Variants in ELOA observed in about 807,000 individuals in gnomAD.
The protein encoded by ELOA is elongin-A.
A neutral mutation model predicts 85.2 loss-of-function variants in ELOA; 15 were observed. The observed-to-expected ratio is 0.18, with a 90% CI of 0.12 to 0.27. The LOEUF is 0.27. Ranked by LOEUF, ELOA falls within the 10% of genes least tolerant of loss-of-function variation. The pLI is 1.00. For missense variants in ELOA, 769 were observed against 952.7 expected, an observed-to-expected ratio of 0.81 and a Z score of 2.54; for synonymous variants, 348 against 357.2, an observed-to-expected ratio of 0.97 and a Z score of 0.29.
At chr1:23,754,508 C>T (rs1644786216) in intron 7 of ELOA, 48 bp downstream of exon 7, 1 of 1,443,554 alleles carries the variant, frequency 6.9e-7, no homozygotes, top group Non-Finnish European at 9.7e-7. Flanking sequence ...TGGCTTGTAC[C>T]TCCAGAAATA....
At chr1:23,755,515 C>T (rs1456958925) in intron 7 of ELOA, among the ~76,000 whole-genome samples, 2 of 152,126 alleles carry the variant, frequency 1.3e-5, no homozygotes, top group African/African-American at 4.8e-5. Flanking sequence ...GGCATGGTGA[C>T]ACACGCCTGT....
At position 23,749,870 on chromosome 1, in the gene ELOA, G is replaced by C. The variant is rs1403117935; in HGVS notation, c.161G>C (p.Ser54Thr). Residue 54 changes from serine (S) to threonine (T), a missense_variant, in exon 3 of 11, where the codon AGC (serine) becomes ACC (threonine). Ser to Thr is a moderately conservative substitution (Grantham distance 58). This residue lies in a region of ELOA where 440 missense variants were observed against 474.0 expected (regional missense o/e 0.93). Coordinates refer to ENST00000613537, the MANE Select transcript of ELOA (RefSeq NM_003198.3). Reference sequence around the variant, plus strand: ...ACTGGGGTTGGGAAAACAGTAAATAGCTTGCGAAAACACGAGCATGTTGGA... The same window carrying C: ...ACTGGGGTTGGGAAAACAGTAAATACCTTGCGAAAACACGAGCATGTTGGA... ...AETGVGKTVN[S>T]LRKHEHVGSF... 1 of 1,613,820 alleles carries C rather than the reference G, an allele frequency of 6.2e-7. No homozygotes were observed. The highest frequency in any genetic ancestry group is 8.5e-7 in the Non-Finnish European group (1 of 1,179,878).
chr1:23,751,426 C>CCCT lies in ELOA; in HGVS notation c.823_825dup (p.Leu275dup), dbSNP rs1644770251. 1 of 1,614,082 alleles carries CCCT rather than the reference C, an allele frequency of 6.2e-7. No individual in the cohort carries two copies. Among genetic ancestry groups the CCCT allele is most frequent in the East Asian group, 2.2e-5 (1 of 44,876 alleles). ...GTGAGCAGAGAGAAATCACACAAGG[C>CCCT]CCTCTCCAAAGAGGAGAACCGAAGG... On this transcript the variant is annotated inframe_insertion, in exon 4 of 11. Coordinates refer to ENST00000613537, the MANE Select transcript of ELOA (RefSeq NM_003198.3).
chr1:23,746,668 C>T (rs990588258), intron 1 of ELOA, among the ~76,000 whole-genome samples: 3 of 148,846 alleles, frequency 2.0e-5, no homozygotes, highest in Admixed American at 1.3e-4. Flanking sequence ...ACTGTGAAAG[C>T]TACCAAGAAC....
rs1256799861 is a variant in ELOA, at chr1:23,761,546, T to TA, written c.*1976dup. 6.6e-6 allele frequency: 1 copy of TA among 152,306 alleles called. No homozygotes were observed. Among genetic ancestry groups the TA allele is most frequent in the East Asian group, 1.9e-4 (1 of 5,186 alleles). 9.4% of individuals were successfully genotyped at this position (152,306 alleles called of 1,614,324 possible). The stretch of plus-strand genomic sequence containing the variant: ...CAATGTCAGTATCCATTTTGGCACA[T>TA]AAAGATTTTTGATGAGCCCTGTTTG... On this transcript the variant is annotated 3_prime_UTR_variant, in exon 11 of 11. Transcript: ENST00000613537.
At chr1:23,752,611 C>G in intron 5 of ELOA, 93 bp downstream of exon 5, 2 of 1,297,650 alleles carry the variant, frequency 1.5e-6, no homozygotes, top group South Asian at 2.7e-5. Context: ...AATTCCAGCA[C>G]TTTGGGAGGC....
At position 23,758,268 on chromosome 1, in the gene ELOA, T is replaced by TA. The variant is rs1276622069; in HGVS notation, c.2257+1143_2257+1144insA. ...TCCAATTTATTTATTTATTTTTTTTTTTTTTTTTTTTTTTTTTTTTTTGGA... is the reference window on the plus strand; with the variant it reads ...TCCAATTTATTTATTTATTTTTTTTTATTTTTTTTTTTTTTTTTTTTTTGGA... On this transcript the variant is annotated intron_variant, in intron 10 of 10. Coordinates refer to ENST00000613537, the MANE Select transcript of ELOA (RefSeq NM_003198.3). Among the ~76,000 whole-genome samples the TA allele has an allele frequency of 3.3e-3, 291 of 89,498 alleles. 6 individuals are homozygous for TA. Among genetic ancestry groups the TA allele is most frequent in the African/African-American group, 0.012 (244 of 20,176 alleles). 58.7% of individuals were successfully genotyped at this position (89,498 alleles called of 152,430 possible).
At chr1:23,750,712 A>C (rs1393317254) in intron 3 of ELOA, 133 bp from the exon 4 acceptor site, 2 of 848,902 alleles carry the variant, frequency 2.4e-6, no homozygotes, top group Non-Finnish European at 3.5e-6. Context: ...AGCATAACCT[A>C]CTTATCTTCT....
intron 1 of ELOA, among the ~76,000 whole-genome samples, chr1:23,746,445 TA>T (rs1644747398): frequency 6.7e-6 from 1 of 150,302 alleles, no homozygotes. Context: ...CCATCTCTAC[TA>T]AAAATAAAAA....
Position 23,758,251 on chromosome 1 carries a change from ATTTATTTATTTTTTT to A in ELOA, c.2257+1130_2257+1144del, listed in dbSNP as rs1191167473. On this transcript the variant is annotated intron_variant, in intron 10 of 10. Coordinates refer to ENST00000613537, the MANE Select transcript of ELOA (RefSeq NM_003198.3). The stretch of plus-strand genomic sequence containing the variant: ...TATATCTAATTGGGTCTTCCAATTT[ATTTATTTATTTTTTT>A]TTTTTTTTTTTTTTTTTTTTTTTTG... Among the ~76,000 whole-genome samples the A allele has an allele frequency of 3.9e-3, 189 of 48,548 alleles. 6 individuals carry two copies. The highest frequency in any genetic ancestry group is 0.013 in the East Asian group (20 of 1,600). The allele number at this position is 48,548 out of a possible 152,430, so 31.8% of individuals were successfully genotyped here.
At chr1:23,752,334 C>A in intron 4 of ELOA, 73 bp from the exon 5 acceptor site, 1 of 1,445,434 alleles carries the variant, frequency 6.9e-7, no homozygotes, top group Non-Finnish European at 9.6e-7. Flanking sequence ...TTAATGCTCC[C>A]GGGAATAGAC....
chr1:23,757,134 C>G lies in ELOA; in HGVS notation c.2257+9C>G. The G allele has an allele frequency of 6.5e-7, 1 of 1,528,690 alleles. No homozygotes were observed. Among genetic ancestry groups the G allele is most frequent in the Non-Finnish European group, 8.8e-7 (1 of 1,140,754 alleles). The allele number at this position is 1,528,690 out of a possible 1,614,324, so 94.7% of individuals were successfully genotyped here. A position where few individuals can be genotyped will look rare whatever the true frequency, so the allele number is the denominator to read the frequency against. On this transcript the variant is annotated intron_variant, in intron 10 of 10. Coordinates refer to ENST00000613537, the MANE Select transcript of ELOA (RefSeq NM_003198.3). ...GAAACCCACTGTGAAGAGTAAGTAACTTGGAGTTCCTGCTCAAATATTATT... is the reference window on the plus strand; with the variant it reads ...GAAACCCACTGTGAAGAGTAAGTAAGTTGGAGTTCCTGCTCAAATATTATT...
intron 1 of ELOA, 117 bp downstream of exon 1, chr1:23,743,695 G>T (rs1644733247): frequency 2.4e-6 from 3 of 1,231,696 alleles, no homozygotes; most frequent in African/African-American, 3.2e-5. Flanking sequence ...GGCCCCGCGG[G>T]GCTGGGGTCG....
At chr1:23,758,251 A>ATTC (rs1638234697) in intron 10 of ELOA, among the ~76,000 whole-genome samples, 1 of 48,576 alleles carries the variant, frequency 2.1e-5, no homozygotes, top group East Asian at 6.2e-4. Flanking sequence ...CTTCCAATTT[A>ATTC]TTTATTTATT....
At position 23,751,175 on chromosome 1, in the gene ELOA, C is replaced by T. The variant is rs758392187; in HGVS notation, c.570C>T (p.Tyr190=). 9 of 1,614,006 alleles carry T rather than the reference C, an allele frequency of 5.6e-6. No individual in the cohort carries two copies. The East Asian group carries it at 8.9e-5, about 16-fold the overall frequency. ...CTTGTACCAGTCCTCATCAGATGTA[C>T]GTCGACCACTACAGATCCCTGGAGG... ...PPSCTSPHQM[Y]VDHYRSLEED... is the part of the protein sequence containing the mutation. Residue 190 remains tyrosine (Y), a synonymous_variant, in exon 4 of 11, where the codon TAC becomes TAT. Coordinates refer to ENST00000613537, the MANE Select transcript of ELOA (RefSeq NM_003198.3).
In ELOA at chr1:23,752,494, T is replaced by C. The variant is rs374904031; in HGVS notation, c.1513T>C (p.Ser505Pro). The change falls in exon 5 of 11, where the codon TCC (serine) becomes CCC (proline). Residue 505 changes from serine to proline, a missense_variant. Transcript: ENST00000613537. ...TCCACTGCCTTCCCTCGAGCTGATATCCTCCTTCCAGCCAAAGCGAAAAGG... is the reference window on the plus strand; with the variant it reads ...TCCACTGCCTTCCCTCGAGCTGATACCCTCCTTCCAGCCAAAGCGAAAAGG... ...YRPLPSLELI[S>P]SFQPKRKAFS... The C allele has an allele frequency of 1.9e-5, 31 of 1,614,040 alleles. No homozygotes were observed. Among genetic ancestry groups the C allele is most frequent in the Admixed American group, 3.3e-5 (2 of 59,992 alleles).
In ELOA at chr1:23,751,892, G is replaced by A. The variant is rs779874317; in HGVS notation, c.1287G>A (p.Thr429=). ...AAAAGATTGTGAAAACTTCAGCCAC[G>A]GCACTTGGAGATAAAGGACTTAAAA... ...KKKKIVKTSA[T]ALGDKGLKKN... is the part of the protein sequence containing the mutation. Residue 429 remains threonine (T), a synonymous_variant, in exon 4 of 11, where the codon ACG becomes ACA. Transcript: ENST00000613537. The A allele has an allele frequency of 3.4e-5, 55 of 1,613,788 alleles. No homozygotes were observed. In the Middle Eastern group the frequency reaches 4.9e-4, roughly 14 times the overall value.
chr1:23,750,076 TC>T, intron 3 of ELOA, 128 bp downstream of exon 3: 1 of 668,726 alleles, frequency 1.5e-6, no homozygotes, highest in Non-Finnish European at 2.4e-6. Context: ...TAATCCATGA[TC>T]ATTGTAGAAT....
At chr1:23,754,504 G>A (rs370085811) in intron 7 of ELOA, 44 bp downstream of exon 7, 1 of 1,476,414 alleles carries the variant, frequency 6.8e-7, no homozygotes, top group Admixed American at 1.7e-5. Context: ...TTTCTGGCTT[G>A]TACCTCCAGA....
Sources: allele counts gnomAD v4.1 joint callset (sites outside exome capture counted in the v4.1 genomes callset), GRCh38; gene constraint gnomAD v4.1.1; regional missense constraint gnomAD v4.1.1; transcripts MANE v1.5; gene names NCBI Gene and HGNC (gene_info 2026-07-23, HGNC 2026-07-21).